The following CLPTM1 variants were observed in gnomAD, a reference collection of about 807,000 sequenced individuals.
The protein encoded by CLPTM1 is putative lipid scramblase CLPTM1.
CLPTM1 carries 21 observed loss-of-function variants against 77.3 expected under a neutral mutation model. The ratio of observed to expected loss-of-function variants is 0.27; its 90% CI spans 0.19 to 0.39. The LOEUF (loss-of-function observed/expected upper bound fraction) is 0.39. Ranked by LOEUF, CLPTM1 falls within the 10% of genes least tolerant of loss-of-function variation. The probability of loss-of-function intolerance (pLI) is 1.00; values close to 1 mark genes in which losing one functional copy is unlikely to be tolerated. For synonymous variants in CLPTM1, 373 were observed against 381.0 expected, an observed-to-expected ratio of 0.98 and a Z score of 0.24; for missense variants, 642 against 921.2, an observed-to-expected ratio of 0.70 and a Z score of 3.92.
At chr19:44,971,733 A>AT (rs1469426985) in intron 2 of CLPTM1, among the ~76,000 whole-genome samples, 1 of 151,610 alleles carries the variant, frequency 6.6e-6, no homozygotes, top group Non-Finnish European at 1.5e-5. Flanking sequence ...TAATTTTTAT[A>AT]TTTTTTGTAG....
At chr19:44,969,296 C>T (rs1397925018) in intron 2 of CLPTM1, among the ~76,000 whole-genome samples, 1 of 152,168 alleles carries the variant, frequency 6.6e-6, no homozygotes, top group Non-Finnish European at 1.5e-5. Flanking sequence ...AAGTTGACCA[C>T]TGAGGTCACA....
At chr19:44,978,096 C>T (rs1028734607) in intron 5 of CLPTM1, among the ~76,000 whole-genome samples, 3 of 147,714 alleles carry the variant, frequency 2.0e-5, no homozygotes, top group South Asian at 2.2e-4. Context: ...GGTGACAGAC[C>T]GAGAACCTGT....
chr19:44,971,867 C>CTTT (rs10693027), intron 2 of CLPTM1, among the ~76,000 whole-genome samples: 2,913 of 83,184 alleles, frequency 0.035, 208 homozygotes, highest in Middle Eastern at 0.047. Flanking sequence ...CCCAATTATA[C>CTTT]TTTTTTTTTT....
At position 44,993,189 on chromosome 19, in the gene CLPTM1, T is replaced by C. The variant is rs1270803737; in HGVS notation, c.*292T>C. ...GATGCAGCGTTGCCGAGGGGGTGGGTTGGGCGGGGGTGGGGCCGGGCCCCC... is the reference window on the plus strand; with the variant it reads ...GATGCAGCGTTGCCGAGGGGGTGGGCTGGGCGGGGGTGGGGCCGGGCCCCC... On this transcript the variant is annotated 3_prime_UTR_variant, in exon 14 of 14. Coordinates refer to ENST00000337392, the MANE Select transcript of CLPTM1 (RefSeq NM_001294.4). 2.6e-6 allele frequency: 1 copy of C among 389,826 alleles called. No individual in the cohort carries two copies. The highest frequency in any genetic ancestry group is 5.1e-6 in the Non-Finnish European group (1 of 197,550). The allele number at this position is 389,826 out of a possible 1,614,324, so 24.1% of individuals were successfully genotyped here. A position where few individuals can be genotyped will look rare whatever the true frequency, so the allele number is the denominator to read the frequency against.
chr19:44,971,246 C>G (rs933437077), intron 2 of CLPTM1, among the ~76,000 whole-genome samples: 1 of 151,330 alleles, frequency 6.6e-6, no homozygotes, highest in East Asian at 2.0e-4. Flanking sequence ...CATATGTAAA[C>G]TTGATAAAAA....
chr19:44,973,258 G>T, intron 3 of CLPTM1, 48 bp downstream of exon 3: 1 of 1,612,456 alleles, frequency 6.2e-7, no homozygotes, highest in Non-Finnish European at 8.5e-7. Flanking sequence ...GGGGTGTGGA[G>T]GGGTGGAATG....
intron 8 of CLPTM1, 80 bp from the exon 9 acceptor site, chr19:44,988,000 C>G: frequency 9.0e-7 from 1 of 1,112,600 alleles, no homozygotes; most frequent in South Asian, 1.2e-5. Flanking sequence ...ACAGGCGGCC[C>G]CAGGGGCAGC....
chr19:44,978,902 A>G (rs1970847913), intron 5 of CLPTM1, among the ~76,000 whole-genome samples: 1 of 152,098 alleles, frequency 6.6e-6, no homozygotes, highest in South Asian at 2.1e-4. Flanking sequence ...GGCCAGGACA[A>G]ACATTCAAAC....
At chr19:44,973,238 G>C in intron 3 of CLPTM1, 28 bp downstream of exon 3, 1 of 1,613,732 alleles carries the variant, frequency 6.2e-7, no homozygotes. Flanking sequence ...GGGCAGACTT[G>C]GGAGGTGATG....
chr19:44,990,564 C>T lies in CLPTM1; in HGVS notation c.1302C>T (p.Ile434=). Residue 434 remains isoleucine, a synonymous_variant, in exon 10 of 14, where the codon ATC becomes ATT. Transcript: ENST00000337392. The surrounding 1 kb of genome is among the most constrained non-coding windows in gnomAD (Gnocchi z 4.8). ...FIGVLIDLWK[I]TKVMDVRLDR... is the part of the protein sequence containing the mutation. Reference sequence around the variant, plus strand: ...GGGTCCTCATCGACCTCTGGAAGATCACCAAGGTCATGGACGTCCGGGTAA... The same window carrying T: ...GGGTCCTCATCGACCTCTGGAAGATTACCAAGGTCATGGACGTCCGGGTAA... 1.9e-6 allele frequency: 3 copies of T among 1,613,982 alleles called. No individual in the cohort carries two copies. The highest frequency in any genetic ancestry group is 2.5e-6 in the Non-Finnish European group (3 of 1,179,936).
intron 5 of CLPTM1, among the ~76,000 whole-genome samples, chr19:44,979,731 C>G (rs1970864103): frequency 6.6e-6 from 1 of 152,038 alleles, no homozygotes; most frequent in African/African-American, 2.4e-5. Context: ...GTTGGTATGT[C>G]CCACCCGGCT....
At position 44,986,592 on chromosome 19, in the gene CLPTM1, T is replaced by A; in HGVS notation, c.793+17T>A. On this transcript the variant is annotated intron_variant, in intron 7 of 13. Transcript: ENST00000337392. ...TGGATCAATGTAAGCTCCCCAGCCC[T>A]GCCAGCTGCCTGCAGAGCCTTTGAG... 1 of 1,611,878 alleles carries A rather than the reference T, an allele frequency of 6.2e-7. No homozygotes were observed. The highest frequency in any genetic ancestry group is 8.5e-7 in the Non-Finnish European group (1 of 1,179,180).
chr19:44,986,275 A>T (rs1285155890), intron 6 of CLPTM1, among the ~76,000 whole-genome samples, 180 bp from the exon 7 acceptor site: 1 of 31,972 alleles, frequency 3.1e-5, no homozygotes, highest in African/African-American at 1.5e-4. Context: ...AGGTGGGAGG[A>T]TCGTGCTTGA....
upstream of CLPTM1, chr19:44,954,890 G>C (rs1020100193): frequency 1.5e-6 from 2 of 1,313,532 alleles, no homozygotes; most frequent in East Asian, 5.0e-5. Flanking sequence ...GGGGTCAGAA[G>C]ACAAGGGTGC....
chr19:44,967,701 A>T (rs1183037929), intron 2 of CLPTM1, among the ~76,000 whole-genome samples: 5 of 151,816 alleles, frequency 3.3e-5, no homozygotes, highest in African/African-American at 1.2e-4. Context: ...GTAGTCACTG[A>T]TCACATTCTA....
In CLPTM1 at chr19:44,992,156, C is replaced by G. The variant is rs1342127139; in HGVS notation, c.1556-77C>G. 2.0e-6 allele frequency: 3 copies of G among 1,485,230 alleles called. No individual in the cohort carries two copies. The East Asian group carries it at 6.8e-5, about 34-fold the overall frequency. The allele number at this position is 1,485,230 out of a possible 1,614,324, so 92.0% of individuals were successfully genotyped here. A position where few individuals can be genotyped will look rare whatever the true frequency, so the allele number is the denominator to read the frequency against. ...CCAGGTGTAGGAAGTGGTGAGGGGG[C>G]TGGTATGGCCAGTGCAGAGTGCACA... On this transcript the variant is annotated intron_variant, in intron 12 of 13. Transcript: ENST00000337392. This position sits in a 1 kb window ranked among gnomAD's most constrained non-coding sequence, Gnocchi z 7.7.
rs1458627225 is a variant in CLPTM1, at chr19:44,986,527, G to A, written c.745G>A (p.Asp249Asn). 1 of 1,613,966 alleles carries A rather than the reference G, an allele frequency of 6.2e-7. No individual in the cohort carries two copies. Reference sequence around the variant, plus strand: ...CAACATCACCATCAACATCGTGGACGACCACACGCCGTGGGTGAAGGGCAG... The same window carrying A: ...CAACATCACCATCAACATCGTGGACAACCACACGCCGTGGGTGAAGGGCAG... ...HPNITINIVDDHTPWVKGSVP... is the reference protein window; with the variant it reads ...HPNITINIVDNHTPWVKGSVP... Residue 249 changes from aspartate to asparagine, a missense_variant, in exon 7 of 14, where the codon GAC becomes AAC. Physicochemically the swap from Asp to Asn is conservative, Grantham distance 23. Coordinates refer to ENST00000337392, the MANE Select transcript of CLPTM1 (RefSeq NM_001294.4).
rs1470538818 is a variant in CLPTM1 at position 44,973,772 on chromosome 19, T to TTTTTG, written c.309+566_309+567insGTTTT. Among the ~76,000 whole-genome samples, 27 of 145,746 alleles carry TTTTTG rather than the reference T, an allele frequency of 1.9e-4. No homozygotes were observed. The East Asian group carries it at 2.6e-3, about 14-fold the overall frequency. On this transcript the variant is annotated intron_variant, in intron 3 of 13. Transcript: ENST00000337392. ...TTGGGTCACAGTGGGTTTTTTTTTTTTTTTTTTTTGAGATGGAGTCTCACT... is the reference window on the plus strand; with the variant it reads ...TTGGGTCACAGTGGGTTTTTTTTTTTTTTTGTTTTTTTTTGAGATGGAGTCTCACT...
In CLPTM1 at chr19:44,962,645, C is replaced by G. The variant is rs186455682; in HGVS notation, c.185+570C>G. The stretch of plus-strand genomic sequence containing the variant: ...AACCTTACTTTTTTACAGACCCTAT[C>G]TGGGCCAGGCACAATGACTCACCCT... On this transcript the variant is annotated intron_variant, in intron 2 of 13. Coordinates refer to ENST00000337392, the MANE Select transcript of CLPTM1 (RefSeq NM_001294.4). Among the ~76,000 whole-genome samples, 522 of 152,232 alleles carry G rather than the reference C, an allele frequency of 3.4e-3. 5 individuals carry two copies. The highest frequency in any genetic ancestry group is 0.012 in the African/African-American group (494 of 41,534).
Sources: gnomAD v4.1 joint callset for allele counts (sites outside exome capture counted in the v4.1 genomes callset) on GRCh38, gnomAD v4.1.1 for gene constraint, Gnocchi (gnomAD v3.1) non-coding constraint, MANE v1.5 for transcripts, NCBI Gene and HGNC (gene_info 2026-07-23, HGNC 2026-07-21) for gene names.